The following KLF15 variants were observed in gnomAD, a reference collection of about 807,000 sequenced individuals.
The protein encoded by KLF15 is Krueppel-like factor 15.
KLF15 carries 4 observed loss-of-function variants against 24.6 expected under a neutral mutation model. The ratio of observed to expected loss-of-function variants is 0.16; its 90% CI spans 0.08 to 0.37. The LOEUF (loss-of-function observed/expected upper bound fraction) is 0.37. Among genes scored for constraint, KLF15 ranks in the 10% least tolerant of loss-of-function variants. The probability of loss-of-function intolerance (pLI) is 1.00; values close to 1 mark genes in which losing one functional copy is unlikely to be tolerated. For synonymous variants in KLF15, 246 were observed against 236.3 expected, an observed-to-expected ratio of 1.04 and a Z score of -0.37; for missense variants, 496 against 560.6, an observed-to-expected ratio of 0.88 and a Z score of 1.16.
the KLF15 span, among the ~76,000 whole-genome samples, chr3:126,311,488 G>A: frequency 3.0e-4 from 45 of 152,182 alleles, no homozygotes; most frequent in African/African-American, 1.0e-3. Context: ...AGTCCAACCC[G>A]GAGGTGGGAA....
chr3:126,345,601 G>GCACA lies in KLF15; in HGVS notation c.1083-1710_1083-1707dup, dbSNP rs574272481. On this transcript the variant is annotated intron_variant, in intron 2 of 2. Transcript: ENST00000296233. ...CAAATTCATGCCCCCATGTACTCAC[G>GCACA]CACACACACACACACAGGGACACGA... is the stretch of plus-strand genomic sequence containing the variant. Among the ~76,000 whole-genome samples the GCACA allele has an allele frequency of 5.1e-3, 760 of 149,388 alleles. 7 individuals are homozygous for GCACA. The highest frequency in any genetic ancestry group is 0.018 in the African/African-American group (726 of 40,796).
At chr3:126,292,872 G>A in the KLF15 span, among the ~76,000 whole-genome samples, 2 of 152,108 alleles carry the variant, frequency 1.3e-5, no homozygotes, top group African/African-American at 2.4e-5. Context: ...AGCCAGGAGA[G>A]GACAAATCTG....
chr3:126,329,587 C>T, the KLF15 span, among the ~76,000 whole-genome samples: 5 of 152,116 alleles, frequency 3.3e-5, no homozygotes, highest in East Asian at 1.9e-4. Flanking sequence ...CCACCTCTAC[C>T]ACCATTGTCG....
At chr3:126,321,510 T>G in the KLF15 span, among the ~76,000 whole-genome samples, 1 of 152,210 alleles carries the variant, frequency 6.6e-6, no homozygotes, top group African/African-American at 2.4e-5. Context: ...GGACCACACA[T>G]GCATGCAGTC....
At chr3:126,321,441 C>T in the KLF15 span, among the ~76,000 whole-genome samples, 65,096 of 152,174 alleles carry the variant, frequency 0.43, 14,997 homozygotes, top group Non-Finnish European at 0.52. Flanking sequence ...CCAGGCAGAG[C>T]TCTGCCCAGC....
At chr3:126,299,512 G>A in the KLF15 span, among the ~76,000 whole-genome samples, 1 of 152,018 alleles carries the variant, frequency 6.6e-6, no homozygotes, top group Non-Finnish European at 1.5e-5. Flanking sequence ...CACTTTGGGA[G>A]GCCGAGGAGG....
chr3:126,320,516 A>G, the KLF15 span, among the ~76,000 whole-genome samples: 1 of 120,900 alleles, frequency 8.3e-6, no homozygotes, highest in Admixed American at 7.6e-5. Flanking sequence ...ATACAGAGAT[A>G]AGAGTGCTTT....
In KLF15 at chr3:126,351,830, G is replaced by C; in HGVS notation, c.1082+11C>G. 1 of 1,608,240 alleles carries C rather than the reference G, an allele frequency of 6.2e-7. No homozygotes were observed. Among genetic ancestry groups the C allele is most frequent in the Non-Finnish European group, 8.5e-7 (1 of 1,177,610 alleles). On this transcript the variant is annotated intron_variant, in intron 2 of 2. Coordinates refer to ENST00000296233, the MANE Select transcript of KLF15 (RefSeq NM_014079.4). ...TGCTCACTGCCCAGGCCTGTCACTC[G>C]CTATACTGACCTCCAGCCGCAGCCT...
chr3:126,356,959 C>G lies in KLF15; in HGVS notation c.-26+278G>C, dbSNP rs191183956. Among the ~76,000 whole-genome samples the G allele has an allele frequency of 2.6e-5, 4 of 151,886 alleles. No individual in the cohort carries two copies. The South Asian group carries it at 8.3e-4, about 31-fold the overall frequency. On this transcript the variant is annotated intron_variant, in intron 1 of 2. Transcript: ENST00000296233. This position sits in a 1 kb window ranked among gnomAD's most constrained non-coding sequence, Gnocchi z 4.4. ...TATGGGAGGGCCGGCCCGCAAGGCGCGCCACGGAATCGCCCGGCCAGGCAC... is the reference window on the plus strand; with the variant it reads ...TATGGGAGGGCCGGCCCGCAAGGCGGGCCACGGAATCGCCCGGCCAGGCAC...
At chr3:126,313,664 C>G in the KLF15 span, among the ~76,000 whole-genome samples, 1 of 152,194 alleles carries the variant, frequency 6.6e-6, no homozygotes, top group Non-Finnish European at 1.5e-5. Flanking sequence ...TGGCATGGCT[C>G]AACCCCACCT....
the KLF15 span, among the ~76,000 whole-genome samples, chr3:126,324,898 C>T: frequency 5.0e-5 from 5 of 99,932 alleles, no homozygotes; most frequent in East Asian, 8.9e-4. Flanking sequence ...CATGCTGGTG[C>T]GCTGCACCCA....
rs753771241 is a variant in KLF15, at chr3:126,351,963, C to T, written c.960G>A (p.Met320Ile). 2.5e-6 allele frequency: 4 copies of T among 1,609,518 alleles called. No individual in the cohort carries two copies. In the Middle Eastern group the frequency reaches 6.6e-4, roughly 267 times the overall value. The change falls in exon 2 of 3, where the codon ATG becomes ATA. Residue 320 changes from methionine to isoleucine, a missense_variant. Met to Ile is a conservative substitution (Grantham distance 10). Coordinates refer to ENST00000296233, the MANE Select transcript of KLF15 (RefSeq NM_014079.4). ...TGCAGCCAGGGAAAGTACATTTGTG[C>T]ATTTTGATGAGTTCTGCGGCTGGGT... Reference protein sequence around the residue: ...PKNPAAELIKMHKCTFPGCSK... With the variant: ...PKNPAAELIKIHKCTFPGCSK...
At chr3:126,307,182 G>A in the KLF15 span, among the ~76,000 whole-genome samples, 3 of 152,040 alleles carry the variant, frequency 2.0e-5, no homozygotes, top group Non-Finnish European at 2.9e-5. Flanking sequence ...ACCACACACC[G>A]CCTGAGCAGC....
At chr3:126,289,660 C>T in the KLF15 span, among the ~76,000 whole-genome samples, 1 of 152,176 alleles carries the variant, frequency 6.6e-6, no homozygotes, top group Non-Finnish European at 1.5e-5. Context: ...TTTTATTTAT[C>T]GTAAGCATAG....
the KLF15 span, among the ~76,000 whole-genome samples, chr3:126,308,943 C>T: frequency 0.03 from 4,531 of 152,164 alleles, 168 homozygotes; most frequent in African/African-American, 0.082. Flanking sequence ...GAGAGGGGAT[C>T]GCTGGCCCAG....
At chr3:126,341,473 G>A (rs1022078850), downstream of KLF15, among the ~76,000 whole-genome samples, 6 of 152,188 alleles carry the variant, frequency 3.9e-5, no homozygotes, top group Non-Finnish European at 7.4e-5. Flanking sequence ...GAAAGCCCAT[G>A]TTAACAAGGC....
rs372058585 is a variant in KLF15, at chr3:126,352,934, C to T, written c.-12G>A. ...AAGTGGTCCACCATGCTGGCCTGGC[C>T]GTGCCGGTGGCGGCTGCAGGAAAGG... On this transcript the variant is annotated 5_prime_UTR_variant, in exon 2 of 3. Transcript: ENST00000296233. The T allele has an allele frequency of 5.4e-5, 85 of 1,585,554 alleles. No homozygotes were observed. The African/African-American group carries it at 9.9e-4, about 19-fold the overall frequency.
At chr3:126,306,466 T>C in the KLF15 span, among the ~76,000 whole-genome samples, 1 of 152,228 alleles carries the variant, frequency 6.6e-6, no homozygotes, top group Non-Finnish European at 1.5e-5. Flanking sequence ...CCTCACTCCA[T>C]GCCTTGAAGA....
At position 126,356,982 on chromosome 3, in the gene KLF15, C is replaced by A. The variant is rs1405042196; in HGVS notation, c.-26+255G>T. On this transcript the variant is annotated intron_variant, in intron 1 of 2. Transcript: ENST00000296233. The surrounding 1 kb of genome is among the most constrained non-coding windows in gnomAD (Gnocchi z 4.4). Reference sequence around the variant, plus strand: ...CGCGCCACGGAATCGCCCGGCCAGGCACCGAGGCGGCGGCGCGGGCCTCAG... The same window carrying A: ...CGCGCCACGGAATCGCCCGGCCAGGAACCGAGGCGGCGGCGCGGGCCTCAG... Among the ~76,000 whole-genome samples, 2 of 151,904 alleles carry A rather than the reference C, an allele frequency of 1.3e-5. No individual in the cohort carries two copies. The highest frequency in any genetic ancestry group is 2.4e-5 in the African/African-American group (1 of 41,372).
Sources: allele counts gnomAD v4.1 joint callset (sites outside exome capture counted in the v4.1 genomes callset), GRCh38; gene constraint gnomAD v4.1.1; non-coding constraint Gnocchi (gnomAD v3.1); transcripts MANE v1.5; gene names NCBI Gene and HGNC (gene_info 2026-07-23, HGNC 2026-07-21).